ATXN1: variants seen among roughly 807,000 people sequenced by gnomAD.
The protein encoded by ATXN1 is ataxin 1, also known as ataxin-1.
Under a neutral mutation model 56.4 loss-of-function variants are expected in ATXN1, and 8 were observed. The observed-to-expected ratio is 0.14, with a 90% confidence interval of 0.08 to 0.26. The LOEUF is 0.26. ATXN1 is among the 10% of genes least tolerant of loss of function. The pLI is 1.00. For missense variants in ATXN1, 987 were observed against 1,106.5 expected, an observed-to-expected ratio of 0.89 and a Z score of 1.53; for synonymous variants, 514 against 494.6, an observed-to-expected ratio of 1.04 and a Z score of -0.52.
intron 2 of ATXN1, among the ~76,000 whole-genome samples, chr6:16,676,376 A>T (rs1177619591): frequency 6.6e-6 from 1 of 152,220 alleles, no homozygotes. Context: ...ATCAATGTAC[A>T]AAGTAGTACA....
chr6:16,347,618 C>A (rs1199607508), intron 6 of ATXN1, among the ~76,000 whole-genome samples: 3 of 152,224 alleles, frequency 2.0e-5, no homozygotes, highest in South Asian at 2.1e-4. Context: ...CTGTATCTAG[C>A]TACTCTGGTG....
intron 5 of ATXN1, among the ~76,000 whole-genome samples, chr6:16,490,333 C>G (rs940190376): frequency 3.3e-5 from 5 of 152,184 alleles, no homozygotes; most frequent in African/African-American, 1.2e-4. Context: ...TTCTCACACT[C>G]CAAGCATACT....
intron 2 of ATXN1, among the ~76,000 whole-genome samples, chr6:16,675,311 T>C (rs1319113865): frequency 6.6e-6 from 1 of 152,220 alleles, no homozygotes; most frequent in Non-Finnish European, 1.5e-5. Flanking sequence ...TCACATTTTC[T>C]GTCAAAAGCC....
chr6:16,420,400 C>T (rs1759008010), intron 6 of ATXN1, among the ~76,000 whole-genome samples: 1 of 152,150 alleles, frequency 6.6e-6, no homozygotes. Context: ...AGGGGGGAGC[C>T]TAACTGCAAA....
chr6:16,373,736 A>G (rs917055702), intron 6 of ATXN1, among the ~76,000 whole-genome samples: 9 of 152,198 alleles, frequency 5.9e-5, no homozygotes, highest in Non-Finnish European at 1.0e-4. Flanking sequence ...GCCATGTAAG[A>G]CATGCCTTTT....
intron 6 of ATXN1, among the ~76,000 whole-genome samples, chr6:16,345,061 T>C (rs1761347289): frequency 1.3e-5 from 2 of 152,226 alleles, no homozygotes; most frequent in Non-Finnish European, 2.9e-5. Flanking sequence ...TGTCCATCTC[T>C]TGCAGTTTGT....
At chr6:16,758,456 A>G (rs1203320775) in intron 1 of ATXN1, among the ~76,000 whole-genome samples, 1 of 152,256 alleles carries the variant, frequency 6.6e-6, no homozygotes, top group Non-Finnish European at 1.5e-5. Context: ...ATGCATTTAC[A>G]TACTGCACCT....
At chr6:16,404,727 G>A (rs779013146) in intron 6 of ATXN1, among the ~76,000 whole-genome samples, 5 of 152,136 alleles carry the variant, frequency 3.3e-5, no homozygotes, top group African/African-American at 9.7e-5. Flanking sequence ...CACACTCCAC[G>A]TTGTTAGTTT....
At chr6:16,712,205 T>C (rs1759538802) in intron 2 of ATXN1, among the ~76,000 whole-genome samples, 1 of 152,198 alleles carries the variant, frequency 6.6e-6, no homozygotes, top group African/African-American at 2.4e-5. Context: ...TCACTGTATG[T>C]TCTCCCTAAA....
intron 6 of ATXN1, among the ~76,000 whole-genome samples, chr6:16,415,070 C>G (rs9477129): frequency 1.3e-5 from 2 of 152,078 alleles, no homozygotes; most frequent in South Asian, 4.1e-4. Flanking sequence ...ACTTTCCTAG[C>G]TAGGATACCT....
At chr6:16,417,745 T>C (rs1373981325) in intron 6 of ATXN1, among the ~76,000 whole-genome samples, 4 of 152,166 alleles carry the variant, frequency 2.6e-5, no homozygotes, top group Non-Finnish European at 4.4e-5. Context: ...GCCACAACTT[T>C]TTTTTTAATG....
chr6:16,413,339 G>A (rs536123912), intron 6 of ATXN1, among the ~76,000 whole-genome samples: 10 of 149,110 alleles, frequency 6.7e-5, no homozygotes, highest in Non-Finnish European at 1.3e-4. Flanking sequence ...AGGAAACACT[G>A]TTTTTGTTTT....
chr6:16,688,182 A>G (rs1386500473), intron 2 of ATXN1, among the ~76,000 whole-genome samples: 1 of 152,218 alleles, frequency 6.6e-6, no homozygotes, highest in African/African-American at 2.4e-5. Flanking sequence ...CAGTAAAACA[A>G]TATTGATGAA....
Position 16,577,901 on chromosome 6 carries a change from T to A in ATXN1, c.-361+7879A>T, listed in dbSNP as rs976033057. ...CAATACCCCTGTGAGACAGATATTA[T>A]AATTATTTCTATTTTATAGAGATGC... On this transcript the variant is annotated intron_variant, in intron 4 of 7. Transcript: ENST00000436367. 3.3e-5 allele frequency among the ~76,000 whole-genome samples: 5 copies of A among 152,296 alleles called. No individual in the cohort carries two copies. In the South Asian group the frequency reaches 1.0e-3, roughly 32 times the overall value.
intron 4 of ATXN1, among the ~76,000 whole-genome samples, chr6:16,582,371 C>T (rs1762545571): frequency 6.6e-6 from 1 of 152,190 alleles, no homozygotes; most frequent in Non-Finnish European, 1.5e-5. Flanking sequence ...CAGCCCTATA[C>T]TGGGACATAG....
At chr6:16,461,361 A>G (rs552136165) in intron 6 of ATXN1, among the ~76,000 whole-genome samples, 2 of 152,348 alleles carry the variant, frequency 1.3e-5, no homozygotes, top group South Asian at 2.1e-4. Context: ...AACTTTTCAC[A>G]TGGGTTTGAG....
At chr6:16,451,302 T>A (rs1759747969) in intron 6 of ATXN1, among the ~76,000 whole-genome samples, 2 of 152,200 alleles carry the variant, frequency 1.3e-5, no homozygotes, top group Admixed American at 1.3e-4. Context: ...ACACTGTCTC[T>A]ACTAAAAATA....
intron 6 of ATXN1, among the ~76,000 whole-genome samples, chr6:16,355,473 G>A (rs1375688247): frequency 6.6e-6 from 1 of 152,154 alleles, no homozygotes; most frequent in Non-Finnish European, 1.5e-5. Flanking sequence ...GATGAGCTTG[G>A]TGGGGGAGGA....
intron 5 of ATXN1, among the ~76,000 whole-genome samples, chr6:16,509,717 T>C (rs1761046969): frequency 6.6e-6 from 1 of 152,186 alleles, no homozygotes; most frequent in African/African-American, 2.4e-5. Context: ...CTTTCTAAAC[T>C]GCAGTTTCAA....
Sources: gnomAD v4.1 joint callset for allele counts (sites outside exome capture counted in the v4.1 genomes callset) on GRCh38, gnomAD v4.1.1 for gene constraint, MANE v1.5 for transcripts, NCBI Gene and HGNC (gene_info 2026-07-23, HGNC 2026-07-21) for gene names.